SLCO5A1: variants seen among roughly 807,000 people sequenced by gnomAD.
SLCO5A1 encodes the protein solute carrier organic anion transporter family member 5A1, also known as organic anion transporter polypeptide-related protein 4.
Under a neutral mutation model 65.1 loss-of-function variants are expected in SLCO5A1, and 39 were observed. That is an observed-to-expected ratio of 0.60 (90% CI 0.46 to 0.78). The LOEUF (loss-of-function observed/expected upper bound fraction) is 0.78, where lower values mean the gene tolerates loss of function less well. SLCO5A1 is among the 30% of genes least tolerant of loss of function. The probability of loss-of-function intolerance (pLI) is 0.00; values close to 1 mark genes in which losing one functional copy is unlikely to be tolerated. For missense variants in SLCO5A1, 1,029 were observed against 1,069.4 expected, an observed-to-expected ratio of 0.96 and a Z score of 0.53; for synonymous variants, 438 against 415.7, an observed-to-expected ratio of 1.05 and a Z score of -0.65.
intron 2 of SLCO5A1, among the ~76,000 whole-genome samples, chr8:69,823,356 T>C (rs1347878824): frequency 1.3e-5 from 2 of 152,172 alleles, no homozygotes; most frequent in East Asian, 1.9e-4. Flanking sequence ...GACCCATCAG[T>C]GTGCTGTATT....
At chr8:69,753,462 G>A (rs759635861) in intron 4 of SLCO5A1, among the ~76,000 whole-genome samples, 3 of 152,186 alleles carry the variant, frequency 2.0e-5, no homozygotes, top group Admixed American at 1.3e-4. Flanking sequence ...CATGAAAACA[G>A]TAGGGTCCAA....
Position 69,832,497 on chromosome 8 carries a change from C to A in SLCO5A1, c.177G>T (p.Pro59=). The A allele has an allele frequency of 2.5e-6, 4 of 1,609,922 alleles. No homozygotes were observed. The highest frequency in any genetic ancestry group is 3.4e-6 in the Non-Finnish European group (4 of 1,178,406). ...CCGAAGAATCCACACAGCCAAAGGC[C>A]GGGTTGGCGTCTCCACTAGTGGGAC... is the stretch of plus-strand genomic sequence containing the variant. ...SLSPTSGDAN[P]AFGCVDSSGH... The change falls in exon 2 of 10, where the codon CCG becomes CCT. Residue 59 remains proline, a synonymous_variant. Transcript: ENST00000260126. This position sits in a 1 kb window ranked among gnomAD's most constrained non-coding sequence, Gnocchi z 4.5.
At chr8:69,713,706 C>A (rs1247345769) in intron 5 of SLCO5A1, 1 of 152,174 alleles carries the variant, frequency 6.6e-6, no homozygotes, top group Non-Finnish European at 1.5e-5. Flanking sequence ...AACTCAAAAT[C>A]ATGGTGCATC....
Position 69,667,860 on chromosome 8 carries a change from GC to G in SLCO5A1, c.*5008del, listed in dbSNP as rs1813225493. On this transcript the variant is annotated 3_prime_UTR_variant, in exon 10 of 10. Transcript: ENST00000260126. Reference sequence around the variant, plus strand: ...CATAGAAAAGTATCCCCCCTTTCACGCTTCATTTTTGCAGCATAGATGGAGT... The same window carrying G: ...CATAGAAAAGTATCCCCCCTTTCACGTTCATTTTTGCAGCATAGATGGAGT... 6.6e-6 allele frequency: 1 copy of G among 152,122 alleles called. No homozygotes were observed. The highest frequency in any genetic ancestry group is 1.5e-5 in the Non-Finnish European group (1 of 68,022). 9.4% of individuals were successfully genotyped at this position (152,122 alleles called of 1,614,324 possible).
chr8:69,824,028 T>G (rs1481088659), intron 2 of SLCO5A1, among the ~76,000 whole-genome samples: 1 of 152,102 alleles, frequency 6.6e-6, no homozygotes, highest in Non-Finnish European at 1.5e-5. Context: ...GAATGACTAC[T>G]GGGTACATAA....
intron 6 of SLCO5A1, among the ~76,000 whole-genome samples, chr8:69,692,138 A>G (rs1268674448): frequency 1.3e-5 from 2 of 152,152 alleles, no homozygotes. Context: ...AATCTAAGCT[A>G]CTTGGGAGGC....
At chr8:69,727,495 C>T (rs1586731885) in intron 5 of SLCO5A1, among the ~76,000 whole-genome samples, 1 of 152,238 alleles carries the variant, frequency 6.6e-6, no homozygotes, top group Middle Eastern at 3.4e-3. Flanking sequence ...GAGGTGTGTT[C>T]TTGCAAAAAC....
intron 2 of SLCO5A1, among the ~76,000 whole-genome samples, chr8:69,803,921 G>A (rs944680409): frequency 2.6e-5 from 4 of 152,122 alleles, no homozygotes; most frequent in African/African-American, 9.7e-5. Flanking sequence ...CAGCCTGGGT[G>A]ACAGAGCAAG....
chr8:69,817,130 A>G (rs561801632), intron 2 of SLCO5A1, among the ~76,000 whole-genome samples: 10 of 152,190 alleles, frequency 6.6e-5, no homozygotes, highest in Non-Finnish European at 1.3e-4. Context: ...ATAGAGCTCT[A>G]AATCCATTAA....
At chr8:69,684,079 C>A (rs1813903710) in intron 6 of SLCO5A1, among the ~76,000 whole-genome samples, 1 of 152,124 alleles carries the variant, frequency 6.6e-6, no homozygotes, top group African/African-American at 2.4e-5. Flanking sequence ...CAAATAAATT[C>A]TGTTTTTCAT....
chr8:69,740,035 TC>T (rs1475726917), intron 4 of SLCO5A1, among the ~76,000 whole-genome samples: 1 of 152,246 alleles, frequency 6.6e-6, no homozygotes, highest in Non-Finnish European at 1.5e-5. Context: ...AACGGGTTTT[TC>T]TTCTATAGCC....
chr8:69,700,357 C>G (rs952333367), intron 6 of SLCO5A1: 4 of 152,200 alleles, frequency 2.6e-5, no homozygotes, highest in Non-Finnish European at 5.9e-5. Flanking sequence ...TGAAGCTGCA[C>G]ACTTGGTCAA....
intron 4 of SLCO5A1, among the ~76,000 whole-genome samples, chr8:69,743,848 C>T (rs527312194): frequency 1.1e-4 from 16 of 152,252 alleles, no homozygotes; most frequent in Middle Eastern, 3.4e-3. Flanking sequence ...GCCAAAAACC[C>T]CTTGGCTTTG....
intron 5 of SLCO5A1, among the ~76,000 whole-genome samples, chr8:69,727,360 A>G (rs1329406258): frequency 6.6e-6 from 1 of 152,182 alleles, no homozygotes; most frequent in African/African-American, 2.4e-5. Flanking sequence ...TAGTACATGA[A>G]AGTTGGAGAA....
chr8:69,690,507 T>C (rs1015972448), intron 6 of SLCO5A1, among the ~76,000 whole-genome samples: 1 of 152,236 alleles, frequency 6.6e-6, no homozygotes, highest in Non-Finnish European at 1.5e-5. Flanking sequence ...AGGAATGACA[T>C]GGCCAGAAAT....
intron 2 of SLCO5A1, among the ~76,000 whole-genome samples, chr8:69,774,981 G>A (rs1476977620): frequency 1.3e-5 from 2 of 152,210 alleles, no homozygotes; most frequent in African/African-American, 2.4e-5. Flanking sequence ...AGCACAGGCA[G>A]ATAAGAGGCC....
At chr8:69,772,691 C>T (rs1563715592) in intron 2 of SLCO5A1, among the ~76,000 whole-genome samples, 4 of 151,586 alleles carry the variant, frequency 2.6e-5, no homozygotes, top group African/African-American at 4.9e-5. Flanking sequence ...CCGTGGTCAG[C>T]CAGGGAGCCA....
At chr8:69,694,956 G>C (rs1188718878) in intron 6 of SLCO5A1, among the ~76,000 whole-genome samples, 1 of 152,200 alleles carries the variant, frequency 6.6e-6, no homozygotes, top group African/African-American at 2.4e-5. Context: ...GAGTTCATAA[G>C]AGTTGCAGCC....
At chr8:69,676,499 A>C (rs1469877975) in intron 9 of SLCO5A1, 110 bp downstream of exon 9, 1 of 872,234 alleles carries the variant, frequency 1.1e-6, no homozygotes, top group Non-Finnish European at 1.8e-6. Flanking sequence ...TAGCCTGTAA[A>C]ATCTTATTCA....
Sources: allele counts gnomAD v4.1 joint callset (sites outside exome capture counted in the v4.1 genomes callset), GRCh38; gene constraint gnomAD v4.1.1; non-coding constraint Gnocchi (gnomAD v3.1); transcripts MANE v1.5; gene names NCBI Gene and HGNC (gene_info 2026-07-23, HGNC 2026-07-21).